Variants in NUP54 observed in about 807,000 individuals in gnomAD.
NUP54 encodes the protein nucleoporin 54.
Under a neutral mutation model 66.4 loss-of-function variants are expected in NUP54, and 27 were observed. The ratio of observed to expected loss-of-function variants is 0.41; its 90% CI spans 0.30 to 0.56. The LOEUF (loss-of-function observed/expected upper bound fraction) is 0.56. Ranked by LOEUF, NUP54 falls within the 20% of genes least tolerant of loss-of-function variation. The probability of loss-of-function intolerance (pLI) is 0.34; values close to 1 mark genes in which losing one functional copy is unlikely to be tolerated. For synonymous variants in NUP54, 206 were observed against 210.7 expected (o/e 0.98, Z 0.19); for missense variants, 486 against 596.3 (o/e 0.82, Z 1.93).
chr4:76,133,498 A>G (rs1037368076), intron 5 of NUP54, among the ~76,000 whole-genome samples: 2 of 151,898 alleles, frequency 1.3e-5, no homozygotes, highest in African/African-American at 4.8e-5. Flanking sequence ...TAGTAGAGAC[A>G]GGGTTTCACC....
chr4:76,135,015 T>C (rs1463666404), intron 4 of NUP54, among the ~76,000 whole-genome samples: 1 of 152,248 alleles, frequency 6.6e-6, no homozygotes, highest in African/African-American at 2.4e-5. Flanking sequence ...GATGGGTTTA[T>C]TGGGATGTAA....
At chr4:76,147,296 C>T (rs1731544714) in intron 1 of NUP54, among the ~76,000 whole-genome samples, 1 of 152,330 alleles carries the variant, frequency 6.6e-6, no homozygotes, top group African/African-American at 2.4e-5. Flanking sequence ...ACTTGCAAAA[C>T]TTTCCTAAAC....
intron 6 of NUP54, chr4:76,132,192 G>A (rs1187293188): frequency 6.0e-6 from 1 of 166,482 alleles, no homozygotes; most frequent in East Asian, 1.6e-4. Flanking sequence ...ATACATTCAG[G>A]TTTTACTTGA....
intron 9 of NUP54, chr4:76,118,413 TC>T (rs1265184347): frequency 4.2e-6 from 2 of 473,412 alleles, no homozygotes; most frequent in African/African-American, 4.0e-5. Context: ...TGAGACAGGG[TC>T]TTGCTCTGTC....
chr4:76,130,594 T>C, intron 8 of NUP54, 62 bp downstream of exon 8: 14 of 1,100,174 alleles, frequency 1.3e-5, no homozygotes, highest in Non-Finnish European at 1.8e-5. Flanking sequence ...CTAAAAAGAA[T>C]TAAATGTCTA....
chr4:76,115,403 T>C lies in NUP54; in HGVS notation c.1487A>G (p.Asn496Ser), dbSNP rs142639434. 6.2e-7 allele frequency: 1 copy of C among 1,610,290 alleles called. No individual in the cohort carries two copies. Among genetic ancestry groups the C allele is most frequent in the African/African-American group, 1.3e-5 (1 of 74,784 alleles). Reference protein sequence around the residue: ...EDIKLVEHGLNETIHIRGGVF... With the variant: ...EDIKLVEHGLSETIHIRGGVF... ...ACCACCTCTGATGTGGATGGTTTCA[T>C]TCAATCCATGTTCGACCAGCTTTAT... is the stretch of plus-strand genomic sequence containing the variant. Residue 496 changes from asparagine (N) to serine (S), a missense_variant, in exon 12 of 12, where the codon AAT becomes AGT. Around this residue, in one of 4 missense-constraint regions of NUP54, gnomAD observed 83 missense variants for 128.6 expected, o/e 0.65. Transcript: ENST00000264883.
At position 76,124,629 on chromosome 4, in the gene NUP54, G is replaced by C. The variant is rs184534389; in HGVS notation, c.1164+20C>G. ...ACACATAGTCTTATAAACACTGGGG[G>C]GGAAAATCCAAATTACTACCTGTAA... On this transcript the variant is annotated intron_variant, in intron 9 of 11. Coordinates refer to ENST00000264883, the MANE Select transcript of NUP54 (RefSeq NM_017426.4). The C allele has an allele frequency of 3.5e-3, 3,983 of 1,144,360 alleles. 99 individuals are homozygous for C. The African/African-American group carries it at 0.053, about 15-fold the overall frequency. The allele number at this position is 1,144,360 out of a possible 1,614,324, so 70.9% of individuals were successfully genotyped here.
At position 76,136,240 on chromosome 4, in the gene NUP54, G is replaced by C; in HGVS notation, c.468C>G (p.Asn156Lys). The change falls in exon 4 of 12, where the codon AAC becomes AAG. Residue 156 changes from asparagine (N) to lysine (K), a missense_variant. Asn to Lys is a moderately conservative substitution (Grantham distance 94). Around this residue, in one of 4 missense-constraint regions of NUP54, gnomAD observed 41 missense variants for 82.7 expected, o/e 0.50. Transcript: ENST00000264883. ...AFWGTGKGYF[N>K]NNIPPVEFTQ... is the part of the protein sequence containing the mutation. The stretch of plus-strand genomic sequence containing the variant: ...TGAATTCCACTGGCGGAATATTATT[G>C]TTGAAATACCCTTTTCCTGTTCCCC... 6.2e-7 allele frequency: 1 copy of C among 1,614,040 alleles called. No homozygotes were observed. The highest frequency in any genetic ancestry group is 8.5e-7 in the Non-Finnish European group (1 of 1,179,960).
rs1015270133 is a variant in NUP54 at position 76,144,395 on chromosome 4, G to T, written c.146C>A (p.Thr49Asn). The T allele has an allele frequency of 1.2e-6, 2 of 1,608,084 alleles. No individual in the cohort carries two copies. The highest frequency in any genetic ancestry group is 3.4e-5 in the Admixed American group (2 of 58,686). The stretch of plus-strand genomic sequence containing the variant: ...GACTTAAGATGGCCTCTTACCAGTA[G>T]TGCCTGTGTTAGTTGGGGCAGAAAA... The part of the protein sequence containing the change: ...FSFSAPTNTG[T>N]TGLFGGTQNK... Residue 49 changes from threonine (T) to asparagine (N), a missense_variant, in exon 2 of 12, where the codon ACT (threonine) becomes AAT (asparagine). This residue lies in a region of NUP54 where 145 missense variants were observed against 137.1 expected (regional missense o/e 1.06). Transcript: ENST00000264883.
intron 3 of NUP54, among the ~76,000 whole-genome samples, chr4:76,141,861 T>C (rs13110133): frequency 0.48 from 73,106 of 151,924 alleles, 18,634 homozygotes; most frequent in East Asian, 0.9. Flanking sequence ...CAACTCTCAC[T>C]ACTGACCCTG....
chr4:76,139,228 A>G (rs1445208578), intron 3 of NUP54, among the ~76,000 whole-genome samples: 1 of 152,136 alleles, frequency 6.6e-6, no homozygotes, highest in African/African-American at 2.4e-5. Flanking sequence ...AAGGAATGAA[A>G]CCATTAGGTT....
In NUP54 at chr4:76,124,948, T is replaced by C. The variant is rs544840045; in HGVS notation, c.1057-192A>G. Among the ~76,000 whole-genome samples, 4 of 152,290 alleles carry C rather than the reference T, an allele frequency of 2.6e-5. No individual in the cohort carries two copies. The East Asian group carries it at 7.7e-4, about 29-fold the overall frequency. On this transcript the variant is annotated intron_variant, in intron 8 of 11. Transcript: ENST00000264883. Reference sequence around the variant, plus strand: ...ACCTAAAATTTTTTTAAAAGAATCATGCAAAGATATCTTTAGAGCTCTAGG... The same window carrying C: ...ACCTAAAATTTTTTTAAAAGAATCACGCAAAGATATCTTTAGAGCTCTAGG...
At chr4:76,123,520 TC>T (rs1730327628) in intron 9 of NUP54, among the ~76,000 whole-genome samples, 11 of 152,042 alleles carry the variant, frequency 7.2e-5, no homozygotes, top group African/African-American at 2.7e-4. Context: ...TTTTTTTTTC[TC>T]CTTTTTTCTG....
At chr4:76,122,019 G>A (rs752374995) in intron 9 of NUP54, among the ~76,000 whole-genome samples, 1 of 152,102 alleles carries the variant, frequency 6.6e-6, no homozygotes, top group Non-Finnish European at 1.5e-5. Context: ...TTGGGTGTCC[G>A]TTGTCTAGTT....
rs968365166 is a variant in NUP54, at chr4:76,123,582, G to A, written c.1164+1067C>T. On this transcript the variant is annotated intron_variant, in intron 9 of 11. Transcript: ENST00000264883. ...GGCTGGAGTGCAGTGGCGTGATCTC[G>A]GCTCACTGCAACCTCCGCCTCCCAG... 4.0e-5 allele frequency among the ~76,000 whole-genome samples: 6 copies of A among 151,726 alleles called. No individual in the cohort carries two copies. The South Asian group carries it at 1.0e-3, about 26-fold the overall frequency.
chr4:76,137,453 G>A (rs1001058499), intron 3 of NUP54, among the ~76,000 whole-genome samples: 4 of 152,132 alleles, frequency 2.6e-5, no homozygotes, highest in African/African-American at 9.7e-5. Flanking sequence ...AACCTTTATT[G>A]CTGTTATATT....
At chr4:76,124,566 T>G in intron 9 of NUP54, 83 bp downstream of exon 9, 1 of 493,398 alleles carries the variant, frequency 2.0e-6, no homozygotes, top group Non-Finnish European at 3.6e-6. Context: ...GTATTTTTTT[T>G]TCTATTTTAA....
In NUP54 at chr4:76,144,153, TTGC is replaced by T; in HGVS notation, c.288_290del (p.Gln97del). Reference sequence around the variant, plus strand: ...AGCTGAAAACCTCATACTTACTAGTTTGCTGCTGCTGCTGTGTATTAAATCCTC... The same window carrying T: ...AGCTGAAAACCTCATACTTACTAGTTTGCTGCTGCTGTGTATTAAATCCTC... On this transcript the variant is annotated inframe_deletion, in exon 3 of 12. Coordinates refer to ENST00000264883, the MANE Select transcript of NUP54 (RefSeq NM_017426.4). The T allele has an allele frequency of 6.2e-7, 1 of 1,608,734 alleles. No individual in the cohort carries two copies. The highest frequency in any genetic ancestry group is 8.5e-7 in the Non-Finnish European group (1 of 1,177,116).
At chr4:76,129,966 GTTTTTTTTTTTTTTTTTTTTT>G (rs775109047) in intron 8 of NUP54, among the ~76,000 whole-genome samples, 76 of 56,866 alleles carry the variant, frequency 1.3e-3, no homozygotes, top group Admixed American at 4.3e-3. Flanking sequence ...AATTATGAAA[GTTTTTTTTTTTTTTTTTTTTT>G]TTTTTTTTTT....
Sources: allele counts gnomAD v4.1 joint callset (sites outside exome capture counted in the v4.1 genomes callset), GRCh38; gene constraint gnomAD v4.1.1; regional missense constraint gnomAD v4.1.1; transcripts MANE v1.5; gene names NCBI Gene and HGNC (gene_info 2026-07-23, HGNC 2026-07-21).